NKTR: variants seen among roughly 807,000 people sequenced by gnomAD.
NKTR encodes natural killer cell triggering receptor.
NKTR carries 67 observed loss-of-function variants against 156.3 expected under a neutral mutation model. The observed-to-expected ratio is 0.43, with a 90% CI of 0.35 to 0.53. The LOEUF is 0.53. Among genes scored for constraint, NKTR ranks in the 20% least tolerant of loss-of-function variants. The probability of loss-of-function intolerance (pLI) is 0.01; values close to 1 mark genes in which losing one functional copy is unlikely to be tolerated. For missense variants in NKTR, 1,604 were observed against 1,730.9 expected (o/e 0.93, Z 1.30); for synonymous variants, 640 against 596.6 (o/e 1.07, Z -1.06).
intron 5 of NKTR, 118 bp from the exon 6 acceptor site, chr3:42,621,311 A>T (rs1707882462): frequency 4.4e-6 from 6 of 1,357,404 alleles, no homozygotes; most frequent in Non-Finnish European, 5.7e-6. Flanking sequence ...GTGTTCAGTC[A>T]AGTTATCTGT....
At chr3:42,633,048 CTTTT>C in intron 9 of NKTR, 1 of 1,214,492 alleles carries the variant, frequency 8.2e-7, no homozygotes, top group Non-Finnish European at 1.0e-6. Context: ...CCTAAGAACT[CTTTT>C]TTTAAGAGAT....
At chr3:42,629,351 T>G in intron 6 of NKTR, 1 of 947,594 alleles carries the variant, frequency 1.1e-6, no homozygotes, top group Non-Finnish European at 1.3e-6. Flanking sequence ...CTGGAACTTC[T>G]TAAGTTGACA....
In NKTR at chr3:42,639,379, A is replaced by G; in HGVS notation, c.3675A>G (p.Lys1225=). 1 of 1,614,094 alleles carries G rather than the reference A, an allele frequency of 6.2e-7. No homozygotes were observed. Among genetic ancestry groups the G allele is most frequent in the Non-Finnish European group, 8.5e-7 (1 of 1,179,972 alleles). The change falls in exon 13 of 17, where the codon AAA becomes AAG. Residue 1225 remains lysine (K), a synonymous_variant. Coordinates refer to ENST00000232978, the MANE Select transcript of NKTR (RefSeq NM_005385.4). ...EKSQINLIDK[K]WKPLQGVGNL... ...GCCAGATCAACCTCATTGATAAGAA[A>G]TGGAAGCCCCTGCAAGGTGTGGGGA...
At chr3:42,625,574 G>A (rs1169997757) in intron 6 of NKTR, among the ~76,000 whole-genome samples, 4 of 152,122 alleles carry the variant, frequency 2.6e-5, no homozygotes, top group African/African-American at 4.8e-5. Context: ...GGTTTGTAAA[G>A]CTGTGTTGAT....
At chr3:42,635,416 G>A (rs1206590755) in intron 12 of NKTR, 50 bp downstream of exon 12, 1 of 1,417,962 alleles carries the variant, frequency 7.1e-7, no homozygotes, top group East Asian at 2.4e-5. Flanking sequence ...TATTTTAAAT[G>A]TTAAAGGGAT....
At position 42,639,219 on chromosome 3, in the gene NKTR, A is replaced by C. The variant is rs773594664; in HGVS notation, c.3515A>C (p.Gln1172Pro). 1.9e-6 allele frequency: 3 copies of C among 1,614,178 alleles called. No homozygotes were observed. The highest frequency in any genetic ancestry group is 4.5e-5 in the East Asian group (2 of 44,890). The part of the protein sequence containing the change: ...LKQDMATEHP[Q>P]AEVVKQESSM... Reference sequence around the variant, plus strand: ...CAGGATATGGCAACGGAACATCCTCAAGCAGAGGTAGTAAAACAGGAAAGC... The same window carrying C: ...CAGGATATGGCAACGGAACATCCTCCAGCAGAGGTAGTAAAACAGGAAAGC... The change falls in exon 13 of 17, where the codon CAA becomes CCA. Residue 1172 changes from glutamine (Q) to proline (P), a missense_variant. Gln to Pro is a moderately conservative substitution (Grantham distance 76). Coordinates refer to ENST00000232978, the MANE Select transcript of NKTR (RefSeq NM_005385.4).
chr3:42,648,100 T>C lies in NKTR; in HGVS notation c.*2125T>C, dbSNP rs1400886768. Reference sequence around the variant, plus strand: ...TCCTTCTTATGTGGTCCCCTCCAGCTTCAAACCAGCCTTCCTGCTCTTTCT... The same window carrying C: ...TCCTTCTTATGTGGTCCCCTCCAGCCTCAAACCAGCCTTCCTGCTCTTTCT... On this transcript the variant is annotated 3_prime_UTR_variant, in exon 17 of 17. Transcript: ENST00000232978. 6.6e-6 allele frequency: 1 copy of C among 152,268 alleles called. No homozygotes were observed. Among genetic ancestry groups the C allele is most frequent in the African/African-American group, 2.4e-5 (1 of 41,452 alleles). 9.4% of individuals were successfully genotyped at this position (152,268 alleles called of 1,614,324 possible).
Position 42,638,857 on chromosome 3 carries a change from A to G in NKTR, c.3153A>G (p.Ile1051Met). Reference protein sequence around the residue: ...EKKVSENNETIKDNILKTEKS... With the variant: ...EKKVSENNETMKDNILKTEKS... ...AAGTTTCTGAAAACAATGAAACCAT[A>G]AAAGATAATATTCTAAAAACTGAGA... The change falls in exon 13 of 17, where the codon ATA becomes ATG. Residue 1051 changes from isoleucine (I) to methionine (M), a missense_variant. By Grantham distance (10) the Ile-to-Met change is conservative. Coordinates refer to ENST00000232978, the MANE Select transcript of NKTR (RefSeq NM_005385.4). The G allele has an allele frequency of 6.2e-7, 1 of 1,604,668 alleles. No individual in the cohort carries two copies. The highest frequency in any genetic ancestry group is 8.5e-7 in the Non-Finnish European group (1 of 1,177,514).
intron 3 of NKTR, 22 bp downstream of exon 3, chr3:42,617,666 A>C: frequency 7.4e-7 from 1 of 1,359,282 alleles, no homozygotes; most frequent in Non-Finnish European, 1.1e-6. Flanking sequence ...ATTATTTCCA[A>C]TGAGAAGCTG....
Position 42,645,937 on chromosome 3 carries a change from C to T in NKTR, c.4351C>T (p.His1451Tyr), listed in dbSNP as rs1287306786. 4.3e-6 allele frequency: 7 copies of T among 1,613,564 alleles called. No homozygotes were observed. The highest frequency in any genetic ancestry group is 2.2e-5 in the East Asian group (1 of 44,886). Reference sequence around the variant, plus strand: ...CAGTGAAAGTGACCGAAGTTACTCTCATCACCGGAGCCCCAGTGAGAGCAG... The same window carrying T: ...CAGTGAAAGTGACCGAAGTTACTCTTATCACCGGAGCCCCAGTGAGAGCAG... ...SDSESDRSYSHHRSPSESSRY... is the reference protein window; with the variant it reads ...SDSESDRSYSYHRSPSESSRY... The change falls in exon 17 of 17, where the codon CAT (histidine) becomes TAT (tyrosine). Residue 1451 changes from histidine to tyrosine, a missense_variant. This residue lies in a region of NKTR where 193 missense variants were observed against 220.2 expected (regional missense o/e 0.88). Transcript: ENST00000232978.
At chr3:42,620,785 G>A (rs1463530821) in intron 5 of NKTR, 1 of 984,738 alleles carries the variant, frequency 1.0e-6, no homozygotes, top group Non-Finnish European at 1.2e-6. Context: ...TAATGCTGTA[G>A]GCCACTTTGT....
chr3:42,616,821 A>T (rs970278773), intron 2 of NKTR, among the ~76,000 whole-genome samples: 2 of 152,216 alleles, frequency 1.3e-5, no homozygotes, highest in African/African-American at 4.8e-5. Context: ...AGCTCACTGC[A>T]TGATCATAGC....
At position 42,621,220 on chromosome 3, in the gene NKTR, C is replaced by A. The variant is rs1033923565; in HGVS notation, c.287-209C>A. ...TTGTGTGAAGTATTAAATATATGTT[C>A]TTTTCCTCAAGGCTTTAATTAGTAT... On this transcript the variant is annotated intron_variant, in intron 5 of 16. Coordinates refer to ENST00000232978, the MANE Select transcript of NKTR (RefSeq NM_005385.4). 7 of 1,205,686 alleles carry A rather than the reference C, an allele frequency of 5.8e-6. No individual in the cohort carries two copies. The East Asian group carries it at 2.9e-4, about 49-fold the overall frequency. 74.7% of individuals were successfully genotyped at this position (1,205,686 alleles called of 1,614,324 possible).
intron 6 of NKTR, chr3:42,629,955 C>G (rs887580445): frequency 3.0e-6 from 3 of 985,196 alleles, no homozygotes; most frequent in Admixed American, 6.2e-5. Context: ...TTCTCCCTAT[C>G]GCATTTTCAG....
intron 4 of NKTR, 31 bp from the exon 5 acceptor site, chr3:42,619,633 A>T: frequency 6.2e-7 from 1 of 1,604,598 alleles, no homozygotes; most frequent in African/African-American, 1.3e-5. Flanking sequence ...TTTAATGTTC[A>T]TTATGGCTTA....
At position 42,647,768 on chromosome 3, in the gene NKTR, ATTAGG is replaced by A. The variant is rs1190537235; in HGVS notation, c.*1797_*1801del. ...ACCCAAGCAGAAACTGCCAAATGTA[ATTAGG>A]TTAAGAAAAGTTACCCTTGGGCAGT... is the stretch of plus-strand genomic sequence containing the variant. On this transcript the variant is annotated 3_prime_UTR_variant, in exon 17 of 17. Transcript: ENST00000232978. 6.6e-6 allele frequency: 1 copy of A among 152,162 alleles called. No homozygotes were observed. Among genetic ancestry groups the A allele is most frequent in the Non-Finnish European group, 1.5e-5 (1 of 68,016 alleles). The allele number at this position is 152,162 out of a possible 1,614,324, so 9.4% of individuals were successfully genotyped here.
At chr3:42,610,446 T>C (rs1706674335) in intron 2 of NKTR, among the ~76,000 whole-genome samples, 2 of 152,220 alleles carry the variant, frequency 1.3e-5, no homozygotes, top group South Asian at 4.1e-4. Context: ...ATTTGAAAAA[T>C]ATCTGAGAAT....
intron 2 of NKTR, among the ~76,000 whole-genome samples, chr3:42,603,758 C>T (rs967122819): frequency 5.7e-5 from 7 of 123,078 alleles, no homozygotes; most frequent in Admixed American, 9.2e-5. Context: ...TTTTTTGAGG[C>T]GAAGTCTCAC....
rs1468624579 is a variant in NKTR, at chr3:42,633,745, A to T, written c.929+10A>T. On this transcript the variant is annotated intron_variant, in intron 10 of 16. Transcript: ENST00000232978. ...CTGCAGAACCTGAACCGTAAGTAGG[A>T]TGACTAAACTATTTATTTTTATTTC... 6.2e-7 allele frequency: 1 copy of T among 1,613,620 alleles called. No homozygotes were observed. The highest frequency in any genetic ancestry group is 1.3e-5 in the African/African-American group (1 of 74,880).
Sources: allele counts gnomAD v4.1 joint callset (sites outside exome capture counted in the v4.1 genomes callset), GRCh38; gene constraint gnomAD v4.1.1; regional missense constraint gnomAD v4.1.1; transcripts MANE v1.5; gene names NCBI Gene and HGNC (gene_info 2026-07-23, HGNC 2026-07-21).